The following ZFHX3 variants were observed in gnomAD, a reference collection of about 807,000 sequenced individuals.
The protein encoded by ZFHX3 is zinc finger homeobox protein 3.
A neutral mutation model predicts 279.1 loss-of-function variants in ZFHX3; 42 were observed. The ratio of observed to expected loss-of-function variants is 0.15; its 90% CI spans 0.12 to 0.19. ZFHX3 has a LOEUF of 0.19. Ranked by LOEUF, ZFHX3 falls within the 10% of genes least tolerant of loss-of-function variation. The pLI, the probability that ZFHX3 is intolerant of heterozygous loss-of-function variation, is 1.00. For synonymous variants in ZFHX3, 2,293 were observed against 1,957.8 expected (o/e 1.17, Z -4.52); for missense variants, 4,981 against 4,754.0 (o/e 1.05, Z -1.40).
chr16:73,666,257 C>A (rs1015642757), intron 2 of ZFHX3, among the ~76,000 whole-genome samples: 1 of 151,972 alleles, frequency 6.6e-6, no homozygotes, highest in Non-Finnish European at 1.5e-5. Flanking sequence ...ATCCATCACT[C>A]ACATAGCAGA....
chr16:73,546,673 G>T (rs1211123963), intron 2 of ZFHX3, among the ~76,000 whole-genome samples: 2 of 3,636 alleles, frequency 5.5e-4, no homozygotes, highest in Non-Finnish European at 8.5e-4. Context: ...TGCTGCTGTT[G>T]CTGCTGCTGC....
At chr16:73,677,938 C>T (rs1475183178) in intron 2 of ZFHX3, among the ~76,000 whole-genome samples, 1 of 151,972 alleles carries the variant, frequency 6.6e-6, no homozygotes, top group East Asian at 1.9e-4. Context: ...ACTCTATGTC[C>T]TCCAATGGAA....
intron 2 of ZFHX3, among the ~76,000 whole-genome samples, chr16:73,471,027 G>A (rs1232946702): frequency 6.6e-6 from 1 of 152,198 alleles, no homozygotes; most frequent in East Asian, 1.9e-4. Context: ...ATTCAGGGCT[G>A]ATTCAGGACA....
At chr16:73,574,425 C>T (rs942472968) in intron 2 of ZFHX3, among the ~76,000 whole-genome samples, 6 of 152,138 alleles carry the variant, frequency 3.9e-5, no homozygotes, top group Non-Finnish European at 5.9e-5. Context: ...AGTTTGGAAG[C>T]CTTAGCCTAG....
At chr16:73,888,169 T>C (rs1305336214) in intron 1 of ZFHX3, among the ~76,000 whole-genome samples, 1 of 152,184 alleles carries the variant, frequency 6.6e-6, no homozygotes, top group Non-Finnish European at 1.5e-5. Context: ...TTGTACTGAA[T>C]AATGCTCACG....
chr16:73,238,386 C>G (rs1341732716), intron 5 of ZFHX3, among the ~76,000 whole-genome samples: 3 of 152,160 alleles, frequency 2.0e-5, no homozygotes, highest in African/African-American at 7.2e-5. Context: ...ACGAGCCCTT[C>G]AATTCAGGGC....
chr16:73,183,199 C>T (rs1195507051), intron 5 of ZFHX3, among the ~76,000 whole-genome samples: 5 of 151,832 alleles, frequency 3.3e-5, no homozygotes, highest in African/African-American at 4.8e-5. Context: ...AGTAAGACTC[C>T]GTCTAAAACA....
At chr16:73,498,889 G>A (rs1006176683) in intron 2 of ZFHX3, among the ~76,000 whole-genome samples, 34 of 152,270 alleles carry the variant, frequency 2.2e-4, no homozygotes, top group African/African-American at 8.2e-4. Context: ...GGGAGTGAGT[G>A]CTTCGGTTCT....
chr16:73,668,998 G>A (rs1220164810), intron 2 of ZFHX3, among the ~76,000 whole-genome samples: 3 of 150,616 alleles, frequency 2.0e-5, no homozygotes, highest in African/African-American at 7.3e-5. Flanking sequence ...TGTGATCTTT[G>A]TATTTTCTTT....
At chr16:73,215,218 C>A (rs1276124689) in intron 5 of ZFHX3, among the ~76,000 whole-genome samples, 2 of 152,178 alleles carry the variant, frequency 1.3e-5, no homozygotes, top group African/African-American at 4.8e-5. Flanking sequence ...CCCAGTAATC[C>A]TGCAAGAATC....
rs113198945 is a variant in ZFHX3 at position 73,700,358 on chromosome 16, CAG to C, written c.-1607-20120_-1607-20119del. On this transcript the variant is annotated intron_variant, in intron 1 of 17. Coordinates refer to the ZFHX3 transcript ENST00000641206. Reference sequence around the variant, plus strand: ...AAAAAGACAAAACTTACTAAGTAATCAGAGACTTACAAACCTTAATAGGGCTT... The same window carrying C: ...AAAAAGACAAAACTTACTAAGTAATCAGACTTACAAACCTTAATAGGGCTT... 1.3e-3 allele frequency among the ~76,000 whole-genome samples: 192 copies of C among 152,282 alleles called. 1 individual carries two copies. The highest frequency in any genetic ancestry group is 4.5e-3 in the African/African-American group (186 of 41,572).
chr16:73,667,904 G>A (rs1235843047), intron 2 of ZFHX3, among the ~76,000 whole-genome samples: 3 of 152,156 alleles, frequency 2.0e-5, no homozygotes, highest in Admixed American at 1.3e-4. Flanking sequence ...TGAAGAACCA[G>A]TTCAAGTGCC....
intron 3 of ZFHX3, among the ~76,000 whole-genome samples, chr16:72,947,373 T>C (rs541079211): frequency 2.1e-4 from 32 of 152,352 alleles, no homozygotes; most frequent in African/African-American, 7.7e-4. Context: ...CTCTCATTTC[T>C]GGATTAAAAA....
chr16:73,257,474 G>A (rs2013692230), intron 4 of ZFHX3, among the ~76,000 whole-genome samples: 4 of 152,308 alleles, frequency 2.6e-5, no homozygotes, highest in Admixed American at 1.3e-4. Context: ...TGACTCATTT[G>A]TTTGGATCCC....
At chr16:73,738,247 A>T (rs969465631) in intron 1 of ZFHX3, among the ~76,000 whole-genome samples, 1 of 152,218 alleles carries the variant, frequency 6.6e-6, no homozygotes, top group African/African-American at 2.4e-5. Context: ...GTAAGGAAAA[A>T]TAAAACCCTT....
At chr16:73,426,471 A>G (rs981847084) in intron 3 of ZFHX3, among the ~76,000 whole-genome samples, 6 of 152,200 alleles carry the variant, frequency 3.9e-5, no homozygotes, top group Non-Finnish European at 8.8e-5. Context: ...GGATCAGTAC[A>G]GAACTGGTCA....
chr16:73,459,470 C>T (rs2018434743), intron 2 of ZFHX3, among the ~76,000 whole-genome samples: 1 of 152,184 alleles, frequency 6.6e-6, no homozygotes, highest in Admixed American at 6.5e-5. Flanking sequence ...TCAAGCAATT[C>T]TCCTGCCTCA....
At chr16:72,927,005 G>C (rs956741278) in intron 3 of ZFHX3, among the ~76,000 whole-genome samples, 10 of 152,212 alleles carry the variant, frequency 6.6e-5, no homozygotes, top group African/African-American at 2.4e-4. Flanking sequence ...CCATGAGCTG[G>C]AGGAGAGTCC....
At chr16:72,808,748 T>A (rs943342511) in intron 7 of ZFHX3, among the ~76,000 whole-genome samples, 6 of 152,186 alleles carry the variant, frequency 3.9e-5, no homozygotes, top group Non-Finnish European at 7.3e-5. Context: ...CATAATTACA[T>A]TGTCAGGGGT....
Sources: gnomAD v4.1 joint callset for allele counts (sites outside exome capture counted in the v4.1 genomes callset) on GRCh38, gnomAD v4.1.1 for gene constraint, MANE v1.5 for transcripts, NCBI Gene and HGNC (gene_info 2026-07-23, HGNC 2026-07-21) for gene names.